The following AUTS2 variants were observed in gnomAD, a reference collection of about 807,000 sequenced individuals.
The protein encoded by AUTS2 is autism susceptibility gene 2 protein.
In AUTS2, 17 loss-of-function variants were observed where a neutral mutation model predicts 112.4. The ratio of observed to expected loss-of-function variants is 0.15; its 90% CI spans 0.10 to 0.23. AUTS2 has a LOEUF of 0.23. AUTS2 is among the 10% of genes least tolerant of loss of function. AUTS2 has a pLI of 1.00. For missense variants in AUTS2, 1,510 were observed against 1,701.6 expected (o/e 0.89, Z 1.98); for synonymous variants, 751 against 702.7 (o/e 1.07, Z -1.09).
intron 6 of AUTS2, among the ~76,000 whole-genome samples, chr7:70,736,061 A>G (rs951219877): frequency 2.6e-5 from 4 of 152,006 alleles, no homozygotes; most frequent in Non-Finnish European, 2.9e-5. Context: ...TATAACTATA[A>G]CAATTAGAAT....
intron 5 of AUTS2, among the ~76,000 whole-genome samples, chr7:70,684,697 G>A (rs1291884517): frequency 6.6e-6 from 1 of 152,002 alleles, no homozygotes; most frequent in Non-Finnish European, 1.5e-5. Flanking sequence ...TGGTGGGGAT[G>A]GACAGTGGGA....
intron 4 of AUTS2, among the ~76,000 whole-genome samples, chr7:70,142,345 T>C (rs1806911681): frequency 6.6e-6 from 1 of 152,210 alleles, no homozygotes; most frequent in African/African-American, 2.4e-5. Context: ...TTTCAAAATT[T>C]ATGATTCCAG....
chr7:69,888,721 A>G (rs1162545869), intron 1 of AUTS2, among the ~76,000 whole-genome samples: 1 of 151,132 alleles, frequency 6.6e-6, no homozygotes, highest in Non-Finnish European at 1.5e-5. Flanking sequence ...AGCTGGGACT[A>G]CACCTCCACG....
chr7:70,510,615 G>A (rs1799143405), intron 5 of AUTS2, among the ~76,000 whole-genome samples: 1 of 152,050 alleles, frequency 6.6e-6, no homozygotes, highest in Non-Finnish European at 1.5e-5. Flanking sequence ...TTTGCCAGAG[G>A]CTACATGACA....
chr7:70,435,536 A>G (rs1012100512), intron 4 of AUTS2, among the ~76,000 whole-genome samples: 2 of 152,236 alleles, frequency 1.3e-5, no homozygotes, highest in Non-Finnish European at 1.5e-5. Context: ...GATGAAATCA[A>G]CAAAATAACT....
At chr7:70,781,390 C>CCAAA (rs1491439498) in intron 14 of AUTS2, 3 of 354,626 alleles carry the variant, frequency 8.5e-6, no homozygotes, top group African/African-American at 6.6e-5. Flanking sequence ...AAAAACCAGA[C>CCAAA]CAAACACTAG....
intron 2 of AUTS2, among the ~76,000 whole-genome samples, chr7:70,104,104 A>G (rs1804641201): frequency 6.6e-6 from 1 of 151,272 alleles, no homozygotes; most frequent in Non-Finnish European, 1.5e-5. Flanking sequence ...TGTTGGCACA[A>G]TGGTAGAAGC....
chr7:70,422,744 C>A (rs868351790), intron 4 of AUTS2, among the ~76,000 whole-genome samples: 1 of 152,088 alleles, frequency 6.6e-6, no homozygotes, highest in African/African-American at 2.4e-5. Flanking sequence ...CCACTGTGCT[C>A]CAGCCTGGGC....
At chr7:69,889,773 G>A (rs1272212686) in intron 1 of AUTS2, among the ~76,000 whole-genome samples, 1 of 152,162 alleles carries the variant, frequency 6.6e-6, no homozygotes, top group South Asian at 2.1e-4. Context: ...AAAAGCAATC[G>A]AAATTTGAGT....
At chr7:70,682,927 T>G (rs761693154) in intron 5 of AUTS2, among the ~76,000 whole-genome samples, 1 of 152,230 alleles carries the variant, frequency 6.6e-6, no homozygotes, top group Non-Finnish European at 1.5e-5. Flanking sequence ...TGGGCATCCT[T>G]ACTATATGGT....
intron 1 of AUTS2, among the ~76,000 whole-genome samples, chr7:69,620,552 A>G (rs543358833): frequency 5.1e-4 from 77 of 152,284 alleles, no homozygotes; most frequent in African/African-American, 1.7e-3. Context: ...GGGTGATATG[A>G]TTTCCTTTCT....
At chr7:70,043,855 C>T (rs956245439) in intron 2 of AUTS2, among the ~76,000 whole-genome samples, 23 of 152,034 alleles carry the variant, frequency 1.5e-4, no homozygotes, top group African/African-American at 5.1e-4. Flanking sequence ...GTGATCCGCC[C>T]ATCTCAGCCT....
intron 2 of AUTS2, among the ~76,000 whole-genome samples, chr7:70,004,200 T>A (rs200239017): frequency 3.8e-3 from 224 of 58,802 alleles, no homozygotes; most frequent in African/African-American, 6.7e-3. Flanking sequence ...GAATATATAT[T>A]ATATATATGA....
intron 2 of AUTS2, among the ~76,000 whole-genome samples, chr7:70,056,205 G>A (rs1423821854): frequency 6.6e-6 from 1 of 152,040 alleles, no homozygotes; most frequent in Non-Finnish European, 1.5e-5. Context: ...GGCTGGTCTC[G>A]AACTCCGGAC....
At chr7:70,509,913 A>G (rs938337485) in intron 5 of AUTS2, among the ~76,000 whole-genome samples, 1 of 152,180 alleles carries the variant, frequency 6.6e-6, no homozygotes, top group Non-Finnish European at 1.5e-5. Flanking sequence ...GCTTTCTTAC[A>G]TCAACTTCAT....
At position 69,792,530 on chromosome 7, in the gene AUTS2, TG is replaced by T. The variant is rs1789660858; in HGVS notation, c.310-106755del. Among the ~76,000 whole-genome samples the T allele has an allele frequency of 3.9e-5, 6 of 152,156 alleles. No homozygotes were observed. In the South Asian group the frequency reaches 1.2e-3, roughly 32 times the overall value. On this transcript the variant is annotated intron_variant, in intron 1 of 18. Transcript: ENST00000342771. ...CTGGGATTACAGGTGTGAGCCACCA[TG>T]CCTGGCCAACACTTTCAGTTTTGGT...
rs1457506970 is a variant in AUTS2, at chr7:69,903,301, G to C, written c.522+3803G>C. Among the ~76,000 whole-genome samples, 5 of 152,178 alleles carry C rather than the reference G, an allele frequency of 3.3e-5. No homozygotes were observed. In the South Asian group the frequency reaches 8.3e-4, roughly 25 times the overall value. On this transcript the variant is annotated intron_variant, in intron 2 of 18. Coordinates refer to ENST00000342771, the MANE Select transcript of AUTS2 (RefSeq NM_015570.4). Reference sequence around the variant, plus strand: ...TTATAACTTCCTGAGAAGCACTTTGGGAAAACTTAACCCTTCCCAGGGCAT... The same window carrying C: ...TTATAACTTCCTGAGAAGCACTTTGCGAAAACTTAACCCTTCCCAGGGCAT...
chr7:69,896,446 A>G (rs1164152680), intron 1 of AUTS2, among the ~76,000 whole-genome samples: 1 of 152,052 alleles, frequency 6.6e-6, no homozygotes, highest in Non-Finnish European at 1.5e-5. Context: ...TATCTTTGAT[A>G]TCTTCTTACT....
intron 4 of AUTS2, among the ~76,000 whole-genome samples, chr7:70,144,265 G>A (rs1481708659): frequency 2.6e-5 from 4 of 152,078 alleles, no homozygotes; most frequent in African/African-American, 7.2e-5. Context: ...AAATTCAGGC[G>A]AAGTTAATAT....
Sources: allele counts gnomAD v4.1 joint callset (sites outside exome capture counted in the v4.1 genomes callset), GRCh38; gene constraint gnomAD v4.1.1; transcripts MANE v1.5; gene names NCBI Gene and HGNC (gene_info 2026-07-23, HGNC 2026-07-21).